ELFN1: variants seen among roughly 807,000 people sequenced by gnomAD.
ELFN1 encodes the protein extracellular leucine rich repeat and fibronectin type III domain containing 1, also known as protein ELFN1.
Under a neutral mutation model 7.6 loss-of-function variants are expected in ELFN1, and 6 were observed. The ratio of observed to expected loss-of-function variants is 0.79; its 90% CI spans 0.43 to 1.56. The LOEUF is 1.56. Among genes scored for constraint, ELFN1 ranks in the 40% most tolerant of loss-of-function variants. The probability of loss-of-function intolerance (pLI) is 0.01; values close to 1 mark genes in which losing one functional copy is unlikely to be tolerated. For missense variants in ELFN1, 1,169 were observed against 1,232.2 expected (o/e 0.95, Z 0.77); for synonymous variants, 657 against 588.1 (o/e 1.12, Z -1.70).
chr7:1,675,631 C>T (rs1008242791), intron 1 of ELFN1, among the ~76,000 whole-genome samples: 20 of 152,206 alleles, frequency 1.3e-4, no homozygotes, highest in Admixed American at 6.5e-5. Flanking sequence ...GGCCGAGGAG[C>T]GGGGTCTGGA....
upstream of ELFN1, among the ~76,000 whole-genome samples, chr7:1,667,020 C>G (rs1181141586): frequency 6.6e-6 from 1 of 152,026 alleles, no homozygotes; most frequent in Non-Finnish European, 1.5e-5. The surrounding 1 kb of genome is among the most constrained non-coding windows in gnomAD (Gnocchi z 8.2). Context: ...GGGGCGGGAC[C>G]CCGGGGCCCA....
intron 2 of ELFN1, among the ~76,000 whole-genome samples, chr7:1,694,978 A>G (rs1010496838): frequency 6.6e-6 from 1 of 152,232 alleles, no homozygotes; most frequent in African/African-American, 2.4e-5. Context: ...CAGCTGGGAC[A>G]AATTCCAGCT....
chr7:1,698,778 T>C (rs562313856), intron 2 of ELFN1, among the ~76,000 whole-genome samples: 2 of 152,326 alleles, frequency 1.3e-5, no homozygotes, highest in African/African-American at 4.8e-5. Flanking sequence ...GATATCACTC[T>C]TAAAAGAAAC....
chr7:1,677,608 G>C (rs1778895833), intron 1 of ELFN1, among the ~76,000 whole-genome samples: 1 of 150,850 alleles, frequency 6.6e-6, no homozygotes. Context: ...GTGTAGATTA[G>C]TGTCTGCGTG....
intron 1 of ELFN1, among the ~76,000 whole-genome samples, chr7:1,671,731 C>G (rs1778771217): frequency 6.6e-6 from 1 of 152,250 alleles, no homozygotes; most frequent in Non-Finnish European, 1.5e-5. Flanking sequence ...CCCCCTGGGT[C>G]CCTGCCCCTG....
chr7:1,715,754 C>A (rs1226875942), intron 3 of ELFN1, among the ~76,000 whole-genome samples: 1 of 152,256 alleles, frequency 6.6e-6, no homozygotes. Flanking sequence ...ATGCCCAGCC[C>A]CCTGCCTCTG....
chr7:1,682,932 A>G (rs1255837291), intron 1 of ELFN1, among the ~76,000 whole-genome samples: 2 of 152,102 alleles, frequency 1.3e-5, no homozygotes, highest in East Asian at 1.9e-4. Context: ...GATTTTGTCA[A>G]ATTATTTTTC....
Position 1,746,934 on chromosome 7 carries a change from T to C in ELFN1, c.2338T>C (p.Phe780Leu), listed in dbSNP as rs1237819071. 9.7e-6 allele frequency: 15 copies of C among 1,549,730 alleles called. No homozygotes were observed. The highest frequency in any genetic ancestry group is 1.2e-5 in the Non-Finnish European group (14 of 1,146,730). The change falls in exon 4 of 4, where the codon TTC (phenylalanine) becomes CTC (leucine). Residue 780 changes from phenylalanine to leucine, a missense_variant. Physicochemically the swap from Phe to Leu is conservative, Grantham distance 22. Coordinates refer to ENST00000424383, the MANE Select transcript of ELFN1 (RefSeq NM_001128636.4). ...GGCCTCCCAGAGCATCTGGGAGCGCTTCAGACTGAGCCGCCGGCGGCACAA... is the reference window on the plus strand; with the variant it reads ...GGCCTCCCAGAGCATCTGGGAGCGCCTCAGACTGAGCCGCCGGCGGCACAA... ...CRASQSIWER[F>L]RLSRRRHKEE...
chr7:1,714,274 G>A (rs542559839), intron 3 of ELFN1, among the ~76,000 whole-genome samples: 17 of 152,136 alleles, frequency 1.1e-4, no homozygotes, highest in South Asian at 2.1e-4. Flanking sequence ...CCCAGCATGC[G>A]GAGGGGCCAG....
chr7:1,687,180 CT>C (rs1779075967), intron 1 of ELFN1, among the ~76,000 whole-genome samples: 1 of 152,164 alleles, frequency 6.6e-6, no homozygotes, highest in African/African-American at 2.4e-5. Flanking sequence ...CAGATTCCCC[CT>C]GTCTTAGCCT....
chr7:1,683,477 T>A (rs1779010165), intron 1 of ELFN1, among the ~76,000 whole-genome samples: 1 of 152,232 alleles, frequency 6.6e-6, no homozygotes, highest in Non-Finnish European at 1.5e-5. Flanking sequence ...TTGTTCATAA[T>A]ATTCCTTTAT....
At chr7:1,697,309 T>C (rs1779337873) in intron 2 of ELFN1, among the ~76,000 whole-genome samples, 1 of 152,214 alleles carries the variant, frequency 6.6e-6, no homozygotes, top group Non-Finnish European at 1.5e-5. Context: ...CCGCAGAGTG[T>C]GGGACTCAGA....
chr7:1,670,462 C>G lies in ELFN1; in HGVS notation c.-549+108C>G, dbSNP rs1778743024. ...CCGCCACCTCGAACCCCGGGCGTCC[C>G]CGAGTGCGCAGCGTGCGCCCCCAGC... On this transcript the variant is annotated intron_variant, in intron 1 of 3. Transcript: ENST00000424383. This position sits in a 1 kb window ranked among gnomAD's most constrained non-coding sequence, Gnocchi z 6.4. 6.6e-6 allele frequency among the ~76,000 whole-genome samples: 1 copy of G among 151,210 alleles called. No homozygotes were observed. The highest frequency in any genetic ancestry group is 1.5e-5 in the Non-Finnish European group (1 of 67,660).
At chr7:1,670,206 TC>T (rs1221082155), upstream of ELFN1, among the ~76,000 whole-genome samples, 10 of 145,362 alleles carry the variant, frequency 6.9e-5, no homozygotes, top group South Asian at 6.7e-4. The surrounding 1 kb of genome is among the most constrained non-coding windows in gnomAD (Gnocchi z 6.4). Flanking sequence ...GAGCTTGAAT[TC>T]CCCCCCGGCC....
At chr7:1,693,264 AAG>A (rs1177361731) in intron 2 of ELFN1, 3 of 441,350 alleles carry the variant, frequency 6.8e-6, no homozygotes, top group Non-Finnish European at 9.6e-6. Context: ...TGGGGTTAGG[AAG>A]AGAGGATGTA....
At position 1,739,380 on chromosome 7, in the gene ELFN1, C is replaced by T. The variant is rs1780544156; in HGVS notation, c.-293-4924C>T. 6.6e-6 allele frequency: 1 copy of T among 152,432 alleles called. No homozygotes were observed. Among genetic ancestry groups the T allele is most frequent in the Admixed American group, 6.6e-5 (1 of 15,264 alleles). 9.4% of individuals were successfully genotyped at this position (152,432 alleles called of 1,614,324 possible). A position where few individuals can be genotyped will look rare whatever the true frequency, so the allele number is the denominator to read the frequency against. The stretch of plus-strand genomic sequence containing the variant: ...TGTGGGGGGAGGAAAGAGAGGAGTC[C>T]AGAATGCGGCGTCAACTTTTGGTGT... On this transcript the variant is annotated intron_variant, in intron 3 of 3. Coordinates refer to ENST00000424383, the MANE Select transcript of ELFN1 (RefSeq NM_001128636.4). This position sits in a 1 kb window ranked among gnomAD's most constrained non-coding sequence, Gnocchi z 4.6.
At chr7:1,698,926 C>T (rs1239149925) in intron 2 of ELFN1, among the ~76,000 whole-genome samples, 2 of 152,188 alleles carry the variant, frequency 1.3e-5, no homozygotes, top group East Asian at 3.9e-4. Flanking sequence ...CAGAAGTCTC[C>T]TGATGGTCTC....
intron 3 of ELFN1, among the ~76,000 whole-genome samples, chr7:1,743,094 G>T (rs1374576126): frequency 6.6e-6 from 1 of 152,124 alleles, no homozygotes; most frequent in Non-Finnish European, 1.5e-5. Context: ...GTGGTGGGGG[G>T]GTCCATGGGG....
chr7:1,712,220 G>A (rs1779677625), intron 3 of ELFN1, among the ~76,000 whole-genome samples: 1 of 152,202 alleles, frequency 6.6e-6, no homozygotes, highest in South Asian at 2.1e-4. Context: ...GTCTCGCTCT[G>A]TCGCCCAGGC....
Sources: gnomAD v4.1 joint callset for allele counts (sites outside exome capture counted in the v4.1 genomes callset) on GRCh38, gnomAD v4.1.1 for gene constraint, Gnocchi (gnomAD v3.1) non-coding constraint, MANE v1.5 for transcripts, NCBI Gene and HGNC (gene_info 2026-07-23, HGNC 2026-07-21) for gene names.